Variants in SPATA18 observed in about 807,000 individuals in gnomAD.
SPATA18 encodes the protein mitochondria-eating protein.
SPATA18 carries 54 observed loss-of-function variants against 68.1 expected under a neutral mutation model. The ratio of observed to expected loss-of-function variants is 0.79; its 90% CI spans 0.64 to 0.99. The LOEUF is 0.99. Ranked by LOEUF, SPATA18 falls within the 50% of genes least tolerant of loss-of-function variation. The probability of loss-of-function intolerance (pLI) is 0.00; values close to 1 mark genes in which losing one functional copy is unlikely to be tolerated. For missense variants in SPATA18, 724 were observed against 681.1 expected (o/e 1.06, Z -0.70); for synonymous variants, 242 against 244.8 (o/e 0.99, Z 0.11).
At chr4:52,081,708 AT>A (rs1306846486) in intron 9 of SPATA18, among the ~76,000 whole-genome samples, 1 of 152,104 alleles carries the variant, frequency 6.6e-6, no homozygotes, top group Non-Finnish European at 1.5e-5. Flanking sequence ...TATCTCCTCT[AT>A]TTGTGAAAAT....
chr4:52,087,326 C>T (rs528814000), intron 11 of SPATA18, among the ~76,000 whole-genome samples: 15 of 152,224 alleles, frequency 9.9e-5, no homozygotes, highest in African/African-American at 2.4e-4. Context: ...GTGTTTTAGG[C>T]GTGAAGTCTT....
At position 52,078,755 on chromosome 4, in the gene SPATA18, A is replaced by C. The variant is rs570629640; in HGVS notation, c.1041A>C (p.Lys347Asn). 1 of 1,583,342 alleles carries C rather than the reference A, an allele frequency of 6.3e-7. No homozygotes were observed. Among genetic ancestry groups the C allele is most frequent in the African/African-American group, 1.3e-5 (1 of 74,640 alleles). ...TGCAGGAGGCATTCCATGTAGCAAA[A>C]ATGGCATTCAGACACTTCAAGATCC... The part of the protein sequence containing the change: ...IATVEAFHVA[K>N]MAFRHFKIHV... Residue 347 changes from lysine (K) to asparagine (N), a missense_variant, in exon 8 of 13, where the codon AAA becomes AAC. By Grantham distance (94) the Lys-to-Asn change is moderately conservative. Coordinates refer to ENST00000295213, the MANE Select transcript of SPATA18 (RefSeq NM_145263.4).
chr4:52,051,541 G>T lies in SPATA18; in HGVS notation c.-164G>T, dbSNP rs1031017906. The T allele has an allele frequency of 2.0e-5, 14 of 693,102 alleles. No homozygotes were observed. The highest frequency in any genetic ancestry group is 3.2e-5 in the Non-Finnish European group (13 of 401,564). The allele number at this position is 693,102 out of a possible 1,614,324, so 42.9% of individuals were successfully genotyped here. A position where few individuals can be genotyped will look rare whatever the true frequency, so the allele number is the denominator to read the frequency against. On this transcript the variant is annotated 5_prime_UTR_variant, in exon 1 of 13. Transcript: ENST00000295213. ...ACCTCCCCTCTGGCTTCCCGAACCC[G>T]GCCAGGTCCGACCCGAGGGGGAGGA...
chr4:52,055,871 G>T (rs749464072), intron 1 of SPATA18, among the ~76,000 whole-genome samples: 2 of 152,186 alleles, frequency 1.3e-5, no homozygotes, highest in South Asian at 4.1e-4. Context: ...GTTTATCTTA[G>T]ACTCTAAATT....
At chr4:52,071,477 C>A (rs953102240) in intron 5 of SPATA18, among the ~76,000 whole-genome samples, 8 of 152,102 alleles carry the variant, frequency 5.3e-5, no homozygotes, top group Non-Finnish European at 1.0e-4. Flanking sequence ...ATTAAATATT[C>A]CAATTAATAT....
At position 52,074,910 on chromosome 4, in the gene SPATA18, C is replaced by T. The variant is rs111630975; in HGVS notation, c.759-1869C>T. Among the ~76,000 whole-genome samples the T allele has an allele frequency of 5.0e-3, 756 of 152,278 alleles. 1 individual carries two copies. The highest frequency in any genetic ancestry group is 7.6e-3 in the Non-Finnish European group (515 of 68,032). ...GCCGCAATTAGATTTACCCAAGGCT[C>T]ATCCATAGAAAAGGAAAAGACAGGA... On this transcript the variant is annotated intron_variant, in intron 6 of 12. Transcript: ENST00000295213.
At chr4:52,074,402 A>G (rs557316976) in intron 6 of SPATA18, among the ~76,000 whole-genome samples, 3 of 152,322 alleles carry the variant, frequency 2.0e-5, no homozygotes, top group East Asian at 1.9e-4. Context: ...GAGAGGCCCC[A>G]TATGAGAGGA....
At chr4:52,070,003 C>A in intron 5 of SPATA18, 87 bp downstream of exon 5, 2 of 660,396 alleles carry the variant, frequency 3.0e-6, no homozygotes, top group South Asian at 3.8e-5. Context: ...AGAATCTGTT[C>A]ACTATCAGAG....
chr4:52,083,039 C>T, intron 10 of SPATA18: 2 of 985,290 alleles, frequency 2.0e-6, no homozygotes, highest in Non-Finnish European at 2.4e-6. Flanking sequence ...TTCCTATATC[C>T]ATTGGTTATA....
At position 52,070,817 on chromosome 4, in the gene SPATA18, TA is replaced by T. The variant is rs772483307; in HGVS notation, c.518+908del. 3.3e-5 allele frequency among the ~76,000 whole-genome samples: 5 copies of T among 151,638 alleles called. No individual in the cohort carries two copies. In the East Asian group the frequency reaches 5.8e-4, roughly 18 times the overall value. On this transcript the variant is annotated intron_variant, in intron 5 of 12. Coordinates refer to ENST00000295213, the MANE Select transcript of SPATA18 (RefSeq NM_145263.4). ...AAGATAAATAAAAACAGCAATCTCA[TA>T]AAAAAATAAGGTTATACCTTCCTGG...
chr4:52,072,075 T>C lies in SPATA18; in HGVS notation c.677T>C (p.Met226Thr), dbSNP rs1222845626. ...QNADQQDTEAMSDYKKQLRNL... is the reference protein window; with the variant it reads ...QNADQQDTEATSDYKKQLRNL... ...GCAGACCAGCAGGACACAGAAGCCA[T>C]GTCCGATTATAAGAAACAGCTCCGA... Residue 226 changes from methionine (M) to threonine (T), a missense_variant, in exon 6 of 13, where the codon ATG (methionine) becomes ACG (threonine). Transcript: ENST00000295213. The C allele has an allele frequency of 6.8e-6, 11 of 1,613,808 alleles. No individual in the cohort carries two copies. The highest frequency in any genetic ancestry group is 3.3e-5 in the Admixed American group (2 of 59,980).
In SPATA18 at chr4:52,079,756, G is replaced by A. The variant is rs1000107032; in HGVS notation, c.1192G>A (p.Ala398Thr). 1 of 1,613,888 alleles carries A rather than the reference G, an allele frequency of 6.2e-7. No homozygotes were observed. Among genetic ancestry groups the A allele is most frequent in the South Asian group, 1.1e-5 (1 of 91,040 alleles). ...TTTTGTTTTTCAGGATGTGATCCGA[G>A]CCATGAATGTCAATCCCAAGATTTC... The part of the protein sequence containing the change: ...SQSSVNDVIR[A>T]MNVNPKISFP... Residue 398 changes from alanine to threonine, a missense_variant, in exon 9 of 13, where the codon GCC becomes ACC. By Grantham distance (58) the Ala-to-Thr change is moderately conservative. Coordinates refer to ENST00000295213, the MANE Select transcript of SPATA18 (RefSeq NM_145263.4).
intron 7 of SPATA18, 118 bp downstream of exon 7, chr4:52,077,158 T>G (rs1740448404): frequency 9.2e-7 from 1 of 1,084,576 alleles, no homozygotes; most frequent in Admixed American, 3.0e-5. Flanking sequence ...GTGGGGGAGA[T>G]TCCAGTCTCC....
rs748191845 is a variant in SPATA18, at chr4:52,069,921, GA to G, written c.518+12del. ...AATAAATCAGCTGAAAAAGCAGTAAGAAAAAAATTACAGGATTATTGCAGCC... is the reference window on the plus strand; with the variant it reads ...AATAAATCAGCTGAAAAAGCAGTAAGAAAAAATTACAGGATTATTGCAGCC... On this transcript the variant is annotated splice_donor_region_variant and intron_variant, in intron 5 of 12. Transcript: ENST00000295213. 59 of 1,579,316 alleles carry G rather than the reference GA, an allele frequency of 3.7e-5. No homozygotes were observed. Among genetic ancestry groups the G allele is most frequent in the Middle Eastern group, 1.8e-4 (1 of 5,704 alleles).
At chr4:52,067,305 A>C (rs778619268) in intron 4 of SPATA18, among the ~76,000 whole-genome samples, 5 of 152,116 alleles carry the variant, frequency 3.3e-5, no homozygotes, top group Admixed American at 1.3e-4. Context: ...TCTTCTCTTG[A>C]GAAGTGTTTG....
At chr4:52,055,156 G>A (rs937860230) in intron 1 of SPATA18, among the ~76,000 whole-genome samples, 2 of 152,110 alleles carry the variant, frequency 1.3e-5, no homozygotes, top group Non-Finnish European at 1.5e-5. Context: ...ATGTCTTTAT[G>A]TTAATAATGT....
chr4:52,069,751 G>A (rs1264246448), intron 4 of SPATA18, 70 bp from the exon 5 acceptor site: 1 of 1,143,090 alleles, frequency 8.7e-7, no homozygotes, highest in East Asian at 2.7e-5. Flanking sequence ...TCCTAAGTGA[G>A]CCTCTGCCTT....
intron 6 of SPATA18, among the ~76,000 whole-genome samples, chr4:52,075,687 C>A (rs1740275314): frequency 6.6e-6 from 1 of 152,070 alleles, no homozygotes; most frequent in African/African-American, 2.4e-5. Flanking sequence ...TTTTTCATTT[C>A]TTCCAACAAA....
intron 11 of SPATA18, among the ~76,000 whole-genome samples, chr4:52,090,525 C>T (rs1450855632): frequency 6.6e-6 from 1 of 152,062 alleles, no homozygotes; most frequent in African/African-American, 2.4e-5. Context: ...GATTTTATTT[C>T]TCCTTTGCTT....
Sources: allele counts gnomAD v4.1 joint callset (sites outside exome capture counted in the v4.1 genomes callset), GRCh38; gene constraint gnomAD v4.1.1; transcripts MANE v1.5; gene names NCBI Gene and HGNC (gene_info 2026-07-23, HGNC 2026-07-21).